The following ANKRD11 variants were observed in gnomAD, a reference collection of about 807,000 sequenced individuals.
The protein encoded by ANKRD11 is ankyrin repeat domain 11.
A neutral mutation model predicts 195.7 loss-of-function variants in ANKRD11; 17 were observed. The observed-to-expected ratio is 0.09, with a 90% CI of 0.06 to 0.13. ANKRD11 has a LOEUF of 0.13. Among genes scored for constraint, ANKRD11 ranks in the 10% least tolerant of loss-of-function variants. The pLI, the probability that ANKRD11 is intolerant of heterozygous loss-of-function variation, is 1.00. For synonymous variants in ANKRD11, 1,953 were observed against 1,528.1 expected, an observed-to-expected ratio of 1.28 and a Z score of -6.49; for missense variants, 3,735 against 3,566.1, an observed-to-expected ratio of 1.05 and a Z score of -1.21.
chr16:89,307,842 G>C (rs2036381115), intron 3 of ANKRD11, among the ~76,000 whole-genome samples: 1 of 152,270 alleles, frequency 6.6e-6, no homozygotes, highest in Admixed American at 6.5e-5. Flanking sequence ...TCCTGGCCCA[G>C]GGGGTGGGTT....
chr16:89,346,374 C>G (rs922530792), intron 2 of ANKRD11, among the ~76,000 whole-genome samples: 3 of 151,912 alleles, frequency 2.0e-5, no homozygotes, highest in African/African-American at 7.3e-5. Flanking sequence ...GACTACAAGA[C>G]AGAAGATCTG....
chr16:89,451,225 G>A (rs1322201758), intron 1 of ANKRD11, among the ~76,000 whole-genome samples: 1 of 152,146 alleles, frequency 6.6e-6, no homozygotes, highest in Non-Finnish European at 1.5e-5. Flanking sequence ...AGTGCTAATA[G>A]TTTTAAGGGT....
At chr16:89,474,873 A>G (rs1489555823) in intron 1 of ANKRD11, among the ~76,000 whole-genome samples, 2 of 152,268 alleles carry the variant, frequency 1.3e-5, no homozygotes, top group Admixed American at 1.3e-4. Flanking sequence ...ATAAAAAAAT[A>G]AAATGTAAGT....
At chr16:89,434,174 C>G (rs572992434) in intron 1 of ANKRD11, among the ~76,000 whole-genome samples, 1 of 152,212 alleles carries the variant, frequency 6.6e-6, no homozygotes, top group South Asian at 2.1e-4. Context: ...CTCCAAGATG[C>G]CACTCACCCA....
At position 89,371,448 on chromosome 16, in the gene ANKRD11, C is replaced by T. The variant is rs115378213; in HGVS notation, c.-60+46836G>A. Among the ~76,000 whole-genome samples, 531 of 152,370 alleles carry T rather than the reference C, an allele frequency of 3.5e-3. 2 individuals carry two copies. The highest frequency in any genetic ancestry group is 0.012 in the African/African-American group (511 of 41,590). ...GCTCGGTGCATGGAGGCCAGAGCCA[C>T]AGAAGGGGCCGCTGACGCCAGCAGC... is the stretch of plus-strand genomic sequence containing the variant. On this transcript the variant is annotated intron_variant, in intron 2 of 12. Coordinates refer to ENST00000301030, the MANE Select transcript of ANKRD11 (RefSeq NM_013275.6).
At chr16:89,456,235 G>A (rs1278721059) in intron 1 of ANKRD11, among the ~76,000 whole-genome samples, 1 of 147,268 alleles carries the variant, frequency 6.8e-6, no homozygotes, top group Non-Finnish European at 1.5e-5. Flanking sequence ...ACAAGATTCG[G>A]TCCCAAAAAA....
intron 2 of ANKRD11, among the ~76,000 whole-genome samples, chr16:89,354,636 C>T (rs1185213755): frequency 1.3e-5 from 2 of 152,190 alleles, no homozygotes; most frequent in African/African-American, 4.8e-5. Flanking sequence ...AATCCCAGCA[C>T]TTTGGGAGGC....
intron 1 of ANKRD11, among the ~76,000 whole-genome samples, chr16:89,486,114 T>C (rs1278928061): frequency 6.6e-6 from 1 of 152,184 alleles, no homozygotes; most frequent in Non-Finnish European, 1.5e-5. Flanking sequence ...TTGTGAAAAC[T>C]GTCTTCCCAC....
intron 2 of ANKRD11, among the ~76,000 whole-genome samples, chr16:89,330,666 GGGGGGGGGGC>G (rs1163662868): frequency 2.0e-4 from 12 of 59,304 alleles, no homozygotes; most frequent in Non-Finnish European, 2.6e-4. Context: ...CTGGGGGGGG[GGGGGGGGGGC>G]GGGGGCGGAG....
chr16:89,371,564 GCAGGAAGGTC>G (rs1334529040), intron 2 of ANKRD11, among the ~76,000 whole-genome samples: 1 of 152,186 alleles, frequency 6.6e-6, no homozygotes, highest in Non-Finnish European at 1.5e-5. Flanking sequence ...CCGCCATGCT[GCAGGAAGGTC>G]CAGGCAGGCG....
rs772287589 is a variant in ANKRD11, at chr16:89,290,680, C to A, written c.546G>T (p.Arg182=). The change falls in exon 6 of 13, where the codon CGG becomes CGT. Residue 182 remains arginine (R), a synonymous_variant. Coordinates refer to ENST00000301030, the MANE Select transcript of ANKRD11 (RefSeq NM_013275.6). Reference sequence around the variant, plus strand: ...CCTCGCTGATGAGCTCTTTGATGCGCCGGGCGTCCCCGCGGATGGCGGCTC... The same window carrying A: ...CCTCGCTGATGAGCTCTTTGATGCGACGGGCGTCCCCGCGGATGGCGGCTC... ...LHRAAIRGDA[R]RIKELISEGA... is the part of the protein sequence containing the mutation. 1.2e-4 allele frequency: 197 copies of A among 1,613,844 alleles called. 6 individuals carry two copies. In the South Asian group the frequency reaches 2.1e-3, roughly 18 times the overall value.
intron 1 of ANKRD11, among the ~76,000 whole-genome samples, chr16:89,464,112 G>A (rs1021203543): frequency 1.3e-5 from 2 of 151,712 alleles, no homozygotes; most frequent in Non-Finnish European, 2.9e-5. Context: ...GGTGGCGGGC[G>A]CCTGTAGTCC....
intron 1 of ANKRD11, among the ~76,000 whole-genome samples, chr16:89,439,874 C>G (rs981168046): frequency 1.3e-5 from 2 of 152,214 alleles, no homozygotes; most frequent in Non-Finnish European, 2.9e-5. Context: ...CACAGTGCAG[C>G]TGACCTAGAC....
chr16:89,449,468 C>A (rs1301790205), intron 1 of ANKRD11, among the ~76,000 whole-genome samples: 1 of 151,946 alleles, frequency 6.6e-6, no homozygotes, highest in East Asian at 1.9e-4. Flanking sequence ...ATTATACCCA[C>A]ACACCCCTTC....
In ANKRD11 at chr16:89,284,727, C is replaced by T. The variant is rs375519518; in HGVS notation, c.1815G>A (p.Ser605=). The change falls in exon 9 of 13, where the codon TCG becomes TCA. Residue 605 remains serine (S), a synonymous_variant. Transcript: ENST00000301030. ...TGGACAGGAAGGGGCTCTTCTTCTC[C>T]GACAGGGAGGCTCGCTTCCTGTGCT... ...RQEHRKRASL[S]EKKSPFLSSA... The T allele has an allele frequency of 1.2e-5, 19 of 1,613,614 alleles. No individual in the cohort carries two copies. The highest frequency in any genetic ancestry group is 4.0e-5 in the African/African-American group (3 of 74,926).
At chr16:89,396,383 C>T (rs1222062210) in intron 2 of ANKRD11, among the ~76,000 whole-genome samples, 2 of 152,180 alleles carry the variant, frequency 1.3e-5, no homozygotes, top group Admixed American at 6.5e-5. Flanking sequence ...CCGCACTCGC[C>T]GCAAGAGAGA....
chr16:89,380,395 A>C (rs1468768153), intron 2 of ANKRD11, among the ~76,000 whole-genome samples: 1 of 152,176 alleles, frequency 6.6e-6, no homozygotes, highest in Non-Finnish European at 1.5e-5. Flanking sequence ...TACAGGTGTG[A>C]GCCACTGTGC....
Position 89,441,700 on chromosome 16 carries a change from G to A in ANKRD11, c.-144-23332C>T, listed in dbSNP as rs183206483. 2.4e-3 allele frequency among the ~76,000 whole-genome samples: 320 copies of A among 135,936 alleles called. 1 individual carries two copies. Among genetic ancestry groups the A allele is most frequent in the African/African-American group, 8.9e-3 (310 of 35,006 alleles). 89.2% of individuals were successfully genotyped at this position (135,936 alleles called of 152,430 possible). On this transcript the variant is annotated intron_variant, in intron 1 of 12. Transcript: ENST00000301030. The stretch of plus-strand genomic sequence containing the variant: ...GAGAATGGCATGAACCCAGGAGGCG[G>A]ACTATGCAGTGAGCCAAGATCGTGC...
intron 2 of ANKRD11, among the ~76,000 whole-genome samples, chr16:89,418,058 T>G (rs2042374787): frequency 6.6e-6 from 1 of 152,214 alleles, no homozygotes. Context: ...TCAGCAGATT[T>G]CTTCTCACTG....
Sources: gnomAD v4.1 joint callset for allele counts (sites outside exome capture counted in the v4.1 genomes callset) on GRCh38, gnomAD v4.1.1 for gene constraint, MANE v1.5 for transcripts, NCBI Gene and HGNC (gene_info 2026-07-23, HGNC 2026-07-21) for gene names.